The following LOC128462377 variants were observed in gnomAD, a reference collection of about 807,000 sequenced individuals.
the LOC128462377 span, among the ~76,000 whole-genome samples, chr16:89,319,185 C>T: frequency 6.6e-6 from 1 of 152,248 alleles, no homozygotes; most frequent in South Asian, 2.1e-4. Flanking sequence ...GGCCCACGGA[C>T]ACACTCAACA....
chr16:89,350,103 A>G, the LOC128462377 span, among the ~76,000 whole-genome samples: 1 of 152,210 alleles, frequency 6.6e-6, no homozygotes, highest in Non-Finnish European at 1.5e-5. Context: ...AAAGACAAGC[A>G]ACATCATTTG....
At chr16:89,335,686 A>T in the LOC128462377 span, among the ~76,000 whole-genome samples, 1 of 152,214 alleles carries the variant, frequency 6.6e-6, no homozygotes, top group African/African-American at 2.4e-5. Flanking sequence ...AGCCCTCAGG[A>T]CACAGCACAT....
chr16:89,327,954 C>G, the LOC128462377 span, among the ~76,000 whole-genome samples: 1 of 152,184 alleles, frequency 6.6e-6, no homozygotes. Flanking sequence ...AGACAAACTG[C>G]AGACAGGGAA....
At chr16:89,345,347 G>A in the LOC128462377 span, among the ~76,000 whole-genome samples, 294 of 128,344 alleles carry the variant, frequency 2.3e-3, 2 homozygotes, top group African/African-American at 7.7e-3. Flanking sequence ...GACACCCCCC[G>A]GCACCTGGTG....
the LOC128462377 span, among the ~76,000 whole-genome samples, chr16:89,350,904 C>A: frequency 5.1e-3 from 772 of 152,264 alleles, 4 homozygotes; most frequent in African/African-American, 0.018. Flanking sequence ...GTTACGATTT[C>A]TTTCCACGAT....
At chr16:89,356,865 C>T in the LOC128462377 span, among the ~76,000 whole-genome samples, 2 of 151,316 alleles carry the variant, frequency 1.3e-5, no homozygotes, top group African/African-American at 4.9e-5. Context: ...ACATAATAAA[C>T]AACAAAAGCC....
At chr16:89,379,146 GC>G in the LOC128462377 span, among the ~76,000 whole-genome samples, 1 of 152,218 alleles carries the variant, frequency 6.6e-6, no homozygotes, top group African/African-American at 2.4e-5. Context: ...GGTGGGGCCG[GC>G]CCCCATGCCT....
chr16:89,324,598 C>A, the LOC128462377 span: 2 of 441,168 alleles, frequency 4.5e-6, no homozygotes, highest in Non-Finnish European at 9.2e-6. Flanking sequence ...TCATCAGCTG[C>A]CAGCACGGCA....
At chr16:89,353,907 G>A in the LOC128462377 span, among the ~76,000 whole-genome samples, 1 of 152,230 alleles carries the variant, frequency 6.6e-6, no homozygotes, top group Admixed American at 6.5e-5. Flanking sequence ...TGCAGGGAGC[G>A]TGGGGCATGT....
chr16:89,361,169 G>A, the LOC128462377 span, among the ~76,000 whole-genome samples: 1 of 152,164 alleles, frequency 6.6e-6, no homozygotes, highest in Admixed American at 6.5e-5. Flanking sequence ...CTGAAACCCT[G>A]CTCAGCTACC....
chr16:89,384,417 G>A, the LOC128462377 span, among the ~76,000 whole-genome samples: 2 of 152,060 alleles, frequency 1.3e-5, no homozygotes, highest in Non-Finnish European at 2.9e-5. Context: ...TGTAATCCCA[G>A]CTATGTGGGG....
the LOC128462377 span, among the ~76,000 whole-genome samples, chr16:89,407,431 G>A: frequency 6.6e-6 from 1 of 152,110 alleles, no homozygotes; most frequent in Non-Finnish European, 1.5e-5. Context: ...GCCCTTCCCA[G>A]CATTTCCTGC....
the LOC128462377 span, among the ~76,000 whole-genome samples, chr16:89,384,874 G>GTTTTCTTTTTT: frequency 2.7e-5 from 2 of 72,752 alleles, no homozygotes; most frequent in African/African-American, 1.1e-4. Flanking sequence ...ATGAGAAATA[G>GTTTTCTTTTTT]TTTTCTTTTT....
At chr16:89,406,247 C>T in the LOC128462377 span, among the ~76,000 whole-genome samples, 2 of 152,024 alleles carry the variant, frequency 1.3e-5, no homozygotes, top group African/African-American at 2.4e-5. Flanking sequence ...CTCTGAGAGT[C>T]GGCACCCACA....
the LOC128462377 span, among the ~76,000 whole-genome samples, chr16:89,377,390 A>G: frequency 4.6e-5 from 7 of 151,608 alleles, no homozygotes; most frequent in Non-Finnish European, 1.0e-4. Flanking sequence ...GCTGGAGAAA[A>G]CTATGTCTGG....
the LOC128462377 span, among the ~76,000 whole-genome samples, chr16:89,381,331 C>CAAAAAA: frequency 6.8e-4 from 52 of 76,368 alleles, 1 homozygote; most frequent in African/African-American, 2.8e-3. Flanking sequence ...GACTCTGCTG[C>CAAAAAA]AAAAAAAAAA....
the LOC128462377 span, among the ~76,000 whole-genome samples, chr16:89,398,723 G>A: frequency 1.3e-5 from 2 of 152,000 alleles, no homozygotes; most frequent in Admixed American, 6.6e-5. Flanking sequence ...CAGCCTCAGT[G>A]ACAGAGAGAG....
the LOC128462377 span, among the ~76,000 whole-genome samples, chr16:89,403,185 C>T: frequency 3.9e-5 from 6 of 152,168 alleles, no homozygotes; most frequent in Admixed American, 2.6e-4. Flanking sequence ...AGGTGGACCC[C>T]GCACTCCCTA....
At chr16:89,405,886 G>T in the LOC128462377 span, among the ~76,000 whole-genome samples, 1 of 152,116 alleles carries the variant, frequency 6.6e-6, no homozygotes, top group East Asian at 1.9e-4. Flanking sequence ...AACGCCGGCA[G>T]ATCACCTGAG....
Sources: gnomAD v4.1 joint callset for allele counts (sites outside exome capture counted in the v4.1 genomes callset) on GRCh38, gnomAD v4.1.1 for gene constraint, MANE v1.5 for transcripts.